TERB1: variants seen among roughly 807,000 people sequenced by gnomAD.
TERB1 encodes telomere repeats-binding bouquet formation protein 1.
Under a neutral mutation model 92.3 loss-of-function variants are expected in TERB1, and 63 were observed. The observed-to-expected ratio is 0.68, with a 90% CI of 0.56 to 0.84. The LOEUF (loss-of-function observed/expected upper bound fraction) is 0.84. Among genes scored for constraint, TERB1 ranks in the 40% least tolerant of loss-of-function variants. The probability of loss-of-function intolerance (pLI) is 0.00; values close to 1 mark genes in which losing one functional copy is unlikely to be tolerated. For missense variants in TERB1, 709 were observed against 843.7 expected, an observed-to-expected ratio of 0.84 and a Z score of 1.98; for synonymous variants, 252 against 283.9, an observed-to-expected ratio of 0.89 and a Z score of 1.13.
intron 9 of TERB1, among the ~76,000 whole-genome samples, chr16:66,785,234 G>A (rs564329865): frequency 6.8e-6 from 1 of 146,524 alleles, no homozygotes; most frequent in East Asian, 2.1e-4. Context: ...GTAGAGATGG[G>A]GTTTTACCAT....
chr16:66,758,606 T>G (rs773983734), intron 18 of TERB1, 167 bp downstream of exon 18: 4 of 507,414 alleles, frequency 7.9e-6, no homozygotes, highest in Non-Finnish European at 1.4e-5. Flanking sequence ...CAGGGTGTGG[T>G]GGCACATGTC....
At position 66,754,980 on chromosome 16, in the gene TERB1, G is replaced by C; in HGVS notation, c.2180C>G (p.Ser727Cys). 1 of 1,546,378 alleles carries C rather than the reference G, an allele frequency of 6.5e-7. No homozygotes were observed. Among genetic ancestry groups the C allele is most frequent in the Non-Finnish European group, 8.7e-7 (1 of 1,145,864 alleles). Residue 727 changes from serine to cysteine, a missense_variant, in exon 19 of 19, where the codon TCT becomes TGT. Coordinates refer to ENST00000433154, the MANE Select transcript of TERB1 (RefSeq NM_001136505.2). The stretch of plus-strand genomic sequence containing the variant: ...AAACTGACAGTCTTCTTTCAATCAA[G>C]AAGCTGCACACGTGGGGTGTTTGGT... ...KLTKHPTCAA[S>C]
chr16:66,789,123 T>A (rs903143703), intron 5 of TERB1, among the ~76,000 whole-genome samples: 1 of 150,764 alleles, frequency 6.6e-6, no homozygotes. Context: ...TTAAAATAAC[T>A]AAAGAGTATA....
At chr16:66,784,951 G>A (rs1372672246) in intron 9 of TERB1, among the ~76,000 whole-genome samples, 3 of 148,762 alleles carry the variant, frequency 2.0e-5, no homozygotes, top group Admixed American at 6.7e-5. Flanking sequence ...TCAAACTCCT[G>A]ACCTCAAGCG....
chr16:66,786,113 G>A lies in TERB1; in HGVS notation c.478C>T (p.His160Tyr). Residue 160 changes from histidine to tyrosine, a missense_variant, in exon 8 of 19, where the codon CAT becomes TAT. His to Tyr is a moderately conservative substitution (Grantham distance 83). Transcript: ENST00000433154. ...SRLFRTVISKHELDLSDKNVF... is the reference protein window; with the variant it reads ...SRLFRTVISKYELDLSDKNVF... The stretch of plus-strand genomic sequence containing the variant: ...TTTTTATCTGACAAATCCAACTCAT[G>A]TTTTGAAATAACTGTCCTATTAGGT... The A allele has an allele frequency of 1.3e-6, 2 of 1,550,748 alleles. No homozygotes were observed. The highest frequency in any genetic ancestry group is 1.7e-6 in the Non-Finnish European group (2 of 1,146,320).
chr16:66,792,668 C>T (rs2018855675), intron 3 of TERB1, among the ~76,000 whole-genome samples: 1 of 152,108 alleles, frequency 6.6e-6, no homozygotes, highest in African/African-American at 2.4e-5. Flanking sequence ...ATCATTGTAT[C>T]AACATCATAG....
chr16:66,795,685 T>C (rs533370528), intron 3 of TERB1, among the ~76,000 whole-genome samples: 1 of 152,336 alleles, frequency 6.6e-6, no homozygotes, highest in South Asian at 2.1e-4. Flanking sequence ...CCATTCCCTC[T>C]TCAGAAATTC....
Position 66,755,074 on chromosome 16 carries a change from T to C in TERB1, c.2086A>G (p.Ile696Val). The C allele has an allele frequency of 6.4e-7, 1 of 1,551,582 alleles. No individual in the cohort carries two copies. The highest frequency in any genetic ancestry group is 8.7e-7 in the Non-Finnish European group (1 of 1,146,872). Residue 696 changes from isoleucine to valine, a missense_variant, in exon 19 of 19, where the codon ATT becomes GTT. Coordinates refer to ENST00000433154, the MANE Select transcript of TERB1 (RefSeq NM_001136505.2). The part of the protein sequence containing the change: ...VKKMGNHWNS[I>V]LWSFPFQQGR... ...TGCTGAAAGGGGAAAGACCACAAAATTGAATTCCAGTGATTTCCCATTTTC... is the reference window on the plus strand; with the variant it reads ...TGCTGAAAGGGGAAAGACCACAAAACTGAATTCCAGTGATTTCCCATTTTC...
chr16:66,795,847 C>G (rs1320587339), intron 3 of TERB1, among the ~76,000 whole-genome samples: 1 of 152,212 alleles, frequency 6.6e-6, no homozygotes, highest in Admixed American at 6.5e-5. Flanking sequence ...CTCCCAGGCT[C>G]AAGTGATCCT....
chr16:66,797,623 C>CCACACACACACACACACACA (rs71145942), intron 2 of TERB1, among the ~76,000 whole-genome samples: 45 of 140,842 alleles, frequency 3.2e-4, no homozygotes, highest in Non-Finnish European at 6.8e-4. Flanking sequence ...TAAAAACACA[C>CCACACACACACACACACACA]CACACACACA....
intron 18 of TERB1, among the ~76,000 whole-genome samples, chr16:66,757,385 G>A (rs954599963): frequency 9.9e-5 from 15 of 152,040 alleles, no homozygotes; most frequent in African/African-American, 3.6e-4. Flanking sequence ...ATTTTTCATT[G>A]TTACGTACTT....
chr16:66,770,005 T>C lies in TERB1; in HGVS notation c.1577A>G (p.His526Arg), dbSNP rs980131402. 2 of 1,551,444 alleles carry C rather than the reference T, an allele frequency of 1.3e-6. No homozygotes were observed. Among genetic ancestry groups the C allele is most frequent in the Non-Finnish European group, 1.7e-6 (2 of 1,146,930 alleles). ...KAKSSCNQNL[H>R]EETTFEKNFV... ...ATTCTTTTCAAAAGTAGTTTCTTCA[T>C]GTAAGTTTTGATTGCAGCTTGACTT... Residue 526 changes from histidine (H) to arginine (R), a missense_variant, in exon 14 of 19, where the codon CAT becomes CGT. His to Arg is a conservative substitution (Grantham distance 29). Coordinates refer to ENST00000433154, the MANE Select transcript of TERB1 (RefSeq NM_001136505.2).
chr16:66,758,795 T>G lies in TERB1; in HGVS notation c.1974A>C (p.Glu658Asp). Residue 658 changes from glutamate (E) to aspartate (D), a missense_variant, in exon 18 of 19, where the codon GAA becomes GAC. Coordinates refer to ENST00000433154, the MANE Select transcript of TERB1 (RefSeq NM_001136505.2). Reference protein sequence around the residue: ...TPRRRQRLSNESTTPGGIKKR... With the variant: ...TPRRRQRLSNDSTTPGGIKKR... ...CACTTATTCCTCCAGGGGTAGTAGA[T>G]TCATTACTGAGTCGTTGTCTTCTAC... is the stretch of plus-strand genomic sequence containing the variant. 6.5e-7 allele frequency: 1 copy of G among 1,534,662 alleles called. No homozygotes were observed. Among genetic ancestry groups the G allele is most frequent in the Non-Finnish European group, 8.8e-7 (1 of 1,136,892 alleles).
At chr16:66,779,455 G>C (rs2018600986) in intron 9 of TERB1, among the ~76,000 whole-genome samples, 1 of 152,034 alleles carries the variant, frequency 6.6e-6, no homozygotes, top group African/African-American at 2.4e-5. Context: ...ATAATAAGCT[G>C]GGTGTGGTGG....
In TERB1 at chr16:66,786,226, T is replaced by C; in HGVS notation, c.460A>G (p.Arg154Gly). The C allele has an allele frequency of 6.5e-7, 1 of 1,548,402 alleles. No individual in the cohort carries two copies. Among genetic ancestry groups the C allele is most frequent in the Non-Finnish European group, 8.7e-7 (1 of 1,145,046 alleles). Residue 154 changes from arginine (R) to glycine (G), a missense_variant and splice_region_variant, in exon 7 of 19, where the codon AGG becomes GGG. Coordinates refer to ENST00000433154, the MANE Select transcript of TERB1 (RefSeq NM_001136505.2). ...AAAAAGAAATTTGTATTTGTTTACC[T>C]GAATAACCGTGACAGAACTGTAATA... Reference protein sequence around the residue: ...GCITVLSRLFRTVISKHELDL... With the variant: ...GCITVLSRLFGTVISKHELDL...
rs1380426018 is a variant in TERB1 at position 66,790,950 on chromosome 16, T to C, written c.101A>G (p.Lys34Arg). Residue 34 changes from lysine to arginine, a missense_variant, in exon 4 of 19, where the codon AAG becomes AGG. By Grantham distance (26) the Lys-to-Arg change is conservative. Transcript: ENST00000433154. ...TGAATGAATAGTGACCAAAGCTTCC[T>C]TTTGTGAAAAAGCATTGTCCATTTG... Reference protein sequence around the residue: ...KYQMDNAFSQKEALVTIHSIC... With the variant: ...KYQMDNAFSQREALVTIHSIC... The C allele has an allele frequency of 7.1e-6, 11 of 1,549,764 alleles. No homozygotes were observed. In the East Asian group the frequency reaches 2.7e-4, roughly 38 times the overall value.
At chr16:66,759,323 T>C (rs363157) in intron 16 of TERB1, 33 bp from the exon 17 acceptor site, 504,097 of 1,479,072 alleles carry the variant, frequency 0.34, 90,230 homozygotes, top group East Asian at 0.61. Flanking sequence ...TATGTGTAGA[T>C]GTCACAAAAT....
intron 16 of TERB1, 77 bp from the exon 17 acceptor site, chr16:66,759,367 T>C (rs983007722): frequency 5.0e-6 from 6 of 1,198,590 alleles, no homozygotes; most frequent in Non-Finnish European, 5.7e-6. Flanking sequence ...CAAATATCTA[T>C]ATGATGGTAA....
At chr16:66,777,899 C>T (rs1434040757) in intron 10 of TERB1, among the ~76,000 whole-genome samples, 1 of 152,224 alleles carries the variant, frequency 6.6e-6, no homozygotes. Context: ...TAACAGAGTT[C>T]ACCCAGAGTC....
Sources: gnomAD v4.1 joint callset for allele counts (sites outside exome capture counted in the v4.1 genomes callset) on GRCh38, gnomAD v4.1.1 for gene constraint, MANE v1.5 for transcripts, NCBI Gene and HGNC (gene_info 2026-07-23, HGNC 2026-07-21) for gene names.